Variants in PCDH7 observed in about 807,000 individuals in gnomAD.
PCDH7 encodes protocadherin 7, also known as protocadherin-7.
PCDH7 carries 17 observed loss-of-function variants against 58.9 expected under a neutral mutation model. That is an observed-to-expected ratio of 0.29 (90% CI 0.20 to 0.43). The LOEUF is 0.43. Ranked by LOEUF, PCDH7 falls within the 20% of genes least tolerant of loss-of-function variation. The probability of loss-of-function intolerance (pLI) is 1.00; values close to 1 mark genes in which losing one functional copy is unlikely to be tolerated. For synonymous variants in PCDH7, 664 were observed against 616.4 expected (o/e 1.08, Z -1.14); for missense variants, 1,274 against 1,441.0 (o/e 0.88, Z 1.88).
In PCDH7 at chr4:30,721,941, C is replaced by A; in HGVS notation, c.519C>A (p.Gly173=). Residue 173 remains glycine (G), a synonymous_variant, in exon 1 of 2, where the codon GGC becomes GGA. Transcript: ENST00000361762. The surrounding 1 kb of genome is among the most constrained non-coding windows in gnomAD (Gnocchi z 6.7). Reference sequence around the variant, plus strand: ...CCACAGCCACCGACCGCGACTTCGGCCGCAACGGCATCGAGCGCTACGAGC... The same window carrying A: ...CCACAGCCACCGACCGCGACTTCGGACGCAACGGCATCGAGCGCTACGAGC... 1 of 1,559,134 alleles carries A rather than the reference C, an allele frequency of 6.4e-7. No homozygotes were observed.
chr4:30,765,064 G>T (rs1392337714), intron 1 of PCDH7, among the ~76,000 whole-genome samples: 1 of 142,822 alleles, frequency 7.0e-6, no homozygotes, highest in Non-Finnish European at 1.5e-5. Context: ...TGATCTGCTT[G>T]GGAAATGTCC....
intron 1 of PCDH7, among the ~76,000 whole-genome samples, chr4:30,850,334 T>A (rs1027293242): frequency 6.6e-6 from 1 of 152,094 alleles, no homozygotes; most frequent in Non-Finnish European, 1.5e-5. Context: ...TCATATTGAT[T>A]TTCCCCTCCC....
intron 1 of PCDH7, among the ~76,000 whole-genome samples, chr4:30,813,471 C>T (rs1727261326): frequency 6.6e-6 from 1 of 152,066 alleles, no homozygotes; most frequent in South Asian, 2.1e-4. Context: ...CTGTATAAGG[C>T]ACAATCTCTA....
chr4:30,727,034 G>T (rs903224727), intron 1 of PCDH7, among the ~76,000 whole-genome samples: 1 of 151,524 alleles, frequency 6.6e-6, no homozygotes, highest in South Asian at 2.1e-4. Flanking sequence ...TGTTATAAAA[G>T]AAAAAAAGAG....
chr4:31,142,752 A>G (rs769922163), exon 4 of PCDH7: 2 of 1,367,620 alleles, frequency 1.5e-6, no homozygotes, highest in Admixed American at 1.9e-5. Context: ...TTCAGCAAAA[A>G]TGAGGAAGCC....
At chr4:31,111,976 A>C (rs1056698048) in intron 3 of PCDH7, among the ~76,000 whole-genome samples, 2 of 152,236 alleles carry the variant, frequency 1.3e-5, no homozygotes, top group African/African-American at 4.8e-5. Context: ...GAATCAAAAA[A>C]TTGAATAAAT....
intron 1 of PCDH7, among the ~76,000 whole-genome samples, chr4:30,745,891 G>C (rs1052721489): frequency 5.3e-5 from 8 of 152,116 alleles, no homozygotes; most frequent in Non-Finnish European, 8.8e-5. Flanking sequence ...CTAGGCTGGA[G>C]TGCAGTGGCG....
intron 3 of PCDH7, among the ~76,000 whole-genome samples, chr4:31,049,851 T>A (rs560129209): frequency 6.6e-6 from 1 of 152,256 alleles, no homozygotes; most frequent in African/African-American, 2.4e-5. Flanking sequence ...AGATAATATA[T>A]TCTGATTGGC....
At chr4:31,136,310 T>C (rs968175638) in intron 3 of PCDH7, among the ~76,000 whole-genome samples, 11 of 152,172 alleles carry the variant, frequency 7.2e-5, no homozygotes, top group African/African-American at 2.7e-4. Flanking sequence ...GGGGAGTAGG[T>C]ATTATTATCT....
chr4:31,031,146 T>C (rs139442285), intron 3 of PCDH7, among the ~76,000 whole-genome samples: 6 of 152,158 alleles, frequency 3.9e-5, no homozygotes, highest in African/African-American at 1.2e-4. Flanking sequence ...AGAGGAAAGA[T>C]GGTTAAGATT....
rs912080595 is a variant in PCDH7, at chr4:30,776,765, T to G, written c.70+52169T>G. ...AGAACAAAGTGGTGCCTTTAAGAAA[T>G]GAGGAAAACCTACAGGCTTAACACC... is the stretch of plus-strand genomic sequence containing the variant. On this transcript the variant is annotated intron_variant, in intron 1 of 3. Coordinates refer to the PCDH7 transcript ENST00000509759. Among the ~76,000 whole-genome samples, 5 of 152,046 alleles carry G rather than the reference T, an allele frequency of 3.3e-5. No individual in the cohort carries two copies. In the East Asian group the frequency reaches 9.6e-4, roughly 29 times the overall value.
At chr4:30,948,141 T>G (rs1415381791) in intron 2 of PCDH7, among the ~76,000 whole-genome samples, 1 of 152,084 alleles carries the variant, frequency 6.6e-6, no homozygotes, top group Non-Finnish European at 1.5e-5. Context: ...ATATTTACTT[T>G]TTATAGTTTC....
Position 31,063,952 on chromosome 4 carries a change from C to T in PCDH7, c.*8-78521C>T, listed in dbSNP as rs558506848. On this transcript the variant is annotated intron_variant, in intron 3 of 3. Transcript: ENST00000509759. ...ACTGGAGAAGACAGTCAACCCAATT[C>T]GATCTGAAAACTATATGACTTTTAA... Among the ~76,000 whole-genome samples the T allele has an allele frequency of 6.6e-5, 10 of 151,916 alleles. No homozygotes were observed. The South Asian group carries it at 1.9e-3, about 28-fold the overall frequency.
In PCDH7 at chr4:30,962,784, A is replaced by AC. The variant is rs1395070618; in HGVS notation, c.*7+12569_*7+12570insC. ...AGAATGAGACCCAGTCTTAAAAAAA[A>AC]AAAAAAAAAAAAAAAAAAAAACAGT... is the stretch of plus-strand genomic sequence containing the variant. On this transcript the variant is annotated intron_variant, in intron 3 of 3. Coordinates refer to the PCDH7 transcript ENST00000509759. 1.1e-4 allele frequency among the ~76,000 whole-genome samples: 17 copies of AC among 150,342 alleles called. No individual in the cohort carries two copies. In the East Asian group the frequency reaches 1.2e-3, roughly 10 times the overall value.
intron 2 of PCDH7, among the ~76,000 whole-genome samples, chr4:30,942,953 G>T (rs893830448): frequency 2.7e-4 from 40 of 146,792 alleles, no homozygotes; most frequent in Non-Finnish European, 4.5e-5. Flanking sequence ...CTATTTTTAT[G>T]AATATCCTGG....
chr4:30,755,810 G>A (rs1202014990), intron 1 of PCDH7, among the ~76,000 whole-genome samples: 2 of 152,098 alleles, frequency 1.3e-5, no homozygotes, highest in East Asian at 3.9e-4. Context: ...GCCAGGTGCG[G>A]TGGCTCACAC....
At chr4:31,029,275 T>C (rs568843564) in intron 3 of PCDH7, among the ~76,000 whole-genome samples, 2 of 152,312 alleles carry the variant, frequency 1.3e-5, no homozygotes, top group African/African-American at 4.8e-5. Flanking sequence ...TCTGTGCCTA[T>C]TTCACCTAAT....
chr4:31,067,857 G>GAT (rs1165562570), intron 3 of PCDH7, among the ~76,000 whole-genome samples: 1 of 151,908 alleles, frequency 6.6e-6, no homozygotes, highest in Non-Finnish European at 1.5e-5. Flanking sequence ...GGAGATAAAT[G>GAT]ATATATACAG....
At chr4:30,785,722 C>A (rs1723307688) in intron 1 of PCDH7, among the ~76,000 whole-genome samples, 1 of 151,964 alleles carries the variant, frequency 6.6e-6, no homozygotes. Flanking sequence ...TCATTAATTT[C>A]TTTTCTAACT....
Sources: gnomAD v4.1 joint callset for allele counts (sites outside exome capture counted in the v4.1 genomes callset) on GRCh38, gnomAD v4.1.1 for gene constraint, Gnocchi (gnomAD v3.1) non-coding constraint, MANE v1.5 for transcripts, NCBI Gene and HGNC (gene_info 2026-07-23, HGNC 2026-07-21) for gene names.